The following PACC1 variants were observed in gnomAD, a reference collection of about 807,000 sequenced individuals.
The protein encoded by PACC1 is proton-activated chloride channel.
PACC1 carries 34 observed loss-of-function variants against 39.7 expected under a neutral mutation model. The observed-to-expected ratio is 0.86, with a 90% confidence interval of 0.65 to 1.14. The LOEUF (loss-of-function observed/expected upper bound fraction) is 1.14, where lower values mean the gene tolerates loss of function less well. PACC1 is among the 50% of genes most tolerant of loss of function. The pLI is 0.00. For synonymous variants in PACC1, 127 were observed against 160.6 expected, an observed-to-expected ratio of 0.79 and a Z score of 1.58; for missense variants, 379 against 436.4, an observed-to-expected ratio of 0.87 and a Z score of 1.17.
At chr1:212,374,195 G>GTA (rs371961398) in intron 7 of PACC1, among the ~76,000 whole-genome samples, 13,813 of 150,874 alleles carry the variant, frequency 0.092, 1,979 homozygotes, top group African/African-American at 0.31. Context: ...AATGTGGTGT[G>GTA]TATATATATA....
chr1:212,405,901 G>A (rs1661892744), intron 2 of PACC1, among the ~76,000 whole-genome samples: 1 of 152,050 alleles, frequency 6.6e-6, no homozygotes, highest in Admixed American at 6.6e-5. Context: ...CAGCACTTTG[G>A]GAGGTCAAGG....
At chr1:212,377,760 G>T (rs1476733649) in intron 5 of PACC1, 54 bp from the exon 6 acceptor site, 3 of 1,597,612 alleles carry the variant, frequency 1.9e-6, no homozygotes, top group African/African-American at 2.7e-5. Flanking sequence ...CTGGCAGCAG[G>T]AGTCGAAGCC....
At chr1:212,385,212 G>A (rs1661053099) in intron 4 of PACC1, 62 bp downstream of exon 4, 1 of 1,597,568 alleles carries the variant, frequency 6.3e-7, no homozygotes, top group Non-Finnish European at 8.6e-7. Flanking sequence ...GAAACTTGGG[G>A]CCTTGGGTTG....
chr1:212,366,702 T>C (rs895814002), intron 7 of PACC1, among the ~76,000 whole-genome samples: 3 of 152,152 alleles, frequency 2.0e-5, no homozygotes, highest in African/African-American at 7.2e-5. Context: ...ACTTGGCCCA[T>C]AATAGGTACC....
intron 1 of PACC1, among the ~76,000 whole-genome samples, chr1:212,413,250 A>G (rs2102552709): frequency 6.6e-6 from 1 of 152,300 alleles, no homozygotes; most frequent in Non-Finnish European, 1.5e-5. Flanking sequence ...GATTCCAGCC[A>G]AGATCCTACA....
chr1:212,394,177 A>G (rs1361059043), intron 2 of PACC1, among the ~76,000 whole-genome samples: 2 of 152,228 alleles, frequency 1.3e-5, no homozygotes, highest in Non-Finnish European at 2.9e-5. Context: ...ACATCGACGC[A>G]AAAATCCTCA....
At chr1:212,389,009 TA>T (rs1233093048) in intron 2 of PACC1, among the ~76,000 whole-genome samples, 1 of 152,172 alleles carries the variant, frequency 6.6e-6, no homozygotes, top group Non-Finnish European at 1.5e-5. Context: ...AAAACAATTA[TA>T]AACTTTGGAC....
intron 2 of PACC1, among the ~76,000 whole-genome samples, chr1:212,408,909 G>A (rs964234947): frequency 3.3e-5 from 5 of 152,202 alleles, no homozygotes; most frequent in Admixed American, 3.3e-4. Flanking sequence ...AGACCAATAC[G>A]GGTCCATGGC....
intron 2 of PACC1, among the ~76,000 whole-genome samples, chr1:212,390,491 C>G (rs530000180): frequency 1.1e-3 from 174 of 151,344 alleles, no homozygotes; most frequent in African/African-American, 4.0e-3. Flanking sequence ...AGGAACAGCT[C>G]CAGTCTACAG....
intron 7 of PACC1, among the ~76,000 whole-genome samples, chr1:212,365,618 G>A (rs1288275542): frequency 6.6e-6 from 1 of 151,872 alleles, no homozygotes; most frequent in Non-Finnish European, 1.5e-5. Flanking sequence ...GTTTAGTAGT[G>A]TTATTATCAA....
chr1:212,398,377 T>C lies in PACC1; in HGVS notation c.134-11277A>G, dbSNP rs190460220. Among the ~76,000 whole-genome samples, 271 of 152,340 alleles carry C rather than the reference T, an allele frequency of 1.8e-3. 4 individuals are homozygous for C. The highest frequency in any genetic ancestry group is 3.4e-4 in the Non-Finnish European group (23 of 68,024). On this transcript the variant is annotated intron_variant, in intron 2 of 7. Coordinates refer to ENST00000261455, the MANE Select transcript of PACC1 (RefSeq NM_018252.3). ...GCTAACTCAATCCATCAGAGAATATTAGTGCAATCAAGCATGTAAAACTAT... is the reference window on the plus strand; with the variant it reads ...GCTAACTCAATCCATCAGAGAATATCAGTGCAATCAAGCATGTAAAACTAT...
At chr1:212,408,402 C>G (rs910293048) in intron 2 of PACC1, among the ~76,000 whole-genome samples, 3 of 151,748 alleles carry the variant, frequency 2.0e-5, no homozygotes, top group African/African-American at 7.3e-5. Context: ...CTCTTGTCAC[C>G]CAGGCTAGAG....
intron 7 of PACC1, among the ~76,000 whole-genome samples, chr1:212,373,359 A>C (rs1660528514): frequency 2.7e-5 from 1 of 37,484 alleles, no homozygotes; most frequent in Non-Finnish European, 5.0e-5. Flanking sequence ...ATCCACTCAA[A>C]ATAGACTCAA....
At chr1:212,412,521 G>A (rs888967955) in intron 1 of PACC1, among the ~76,000 whole-genome samples, 1 of 152,086 alleles carries the variant, frequency 6.6e-6, no homozygotes, top group South Asian at 2.1e-4. Flanking sequence ...GAAAGACGCC[G>A]GCCATTTTCT....
intron 2 of PACC1, among the ~76,000 whole-genome samples, chr1:212,393,430 T>G (rs1278166834): frequency 6.6e-6 from 1 of 151,718 alleles, no homozygotes; most frequent in Non-Finnish European, 1.5e-5. Context: ...GGGACACATT[T>G]AAAGCAGTGT....
At position 212,414,866 on chromosome 1, in the gene PACC1, G is replaced by A. The variant is rs1027805273; in HGVS notation, c.-109C>T. 1 of 1,422,038 alleles carries A rather than the reference G, an allele frequency of 7.0e-7. No individual in the cohort carries two copies. Among genetic ancestry groups the A allele is most frequent in the Non-Finnish European group, 9.7e-7 (1 of 1,029,652 alleles). 88.1% of individuals were successfully genotyped at this position (1,422,038 alleles called of 1,614,324 possible). On this transcript the variant is annotated 5_prime_UTR_variant, in exon 1 of 8. Coordinates refer to ENST00000261455, the MANE Select transcript of PACC1 (RefSeq NM_018252.3). ...CTACCGGCTCCGCGAGGCGAAACCG[G>A]TCCGGAGGGGCGTCCCAGAGACCAG...
Position 212,380,052 on chromosome 1 carries a change from A to G in PACC1, c.496-15T>C, listed in dbSNP as rs1660821585. The G allele has an allele frequency of 1.9e-6, 3 of 1,613,224 alleles. No individual in the cohort carries two copies. The highest frequency in any genetic ancestry group is 1.7e-6 in the Non-Finnish European group (2 of 1,179,802). ...AGGGCAGATTTCTGCAGAGAGAAAAAGGACAGAGTCTCAGTCCTGGGAGAG... is the reference window on the plus strand; with the variant it reads ...AGGGCAGATTTCTGCAGAGAGAAAAGGGACAGAGTCTCAGTCCTGGGAGAG... On this transcript the variant is annotated splice_polypyrimidine_tract_variant and intron_variant, in intron 4 of 7. Transcript: ENST00000261455.
chr1:212,396,713 A>C (rs1661533754), intron 2 of PACC1, among the ~76,000 whole-genome samples: 1 of 151,274 alleles, frequency 6.6e-6, no homozygotes, highest in African/African-American at 2.4e-5. Context: ...AAAAAAAAAA[A>C]AAAAAACCAT....
At chr1:212,384,016 G>A (rs886414354) in intron 4 of PACC1, among the ~76,000 whole-genome samples, 5 of 152,182 alleles carry the variant, frequency 3.3e-5, no homozygotes, top group African/African-American at 9.7e-5. Context: ...CTCTAACGGT[G>A]CTGATTCCAA....
Sources: gnomAD v4.1 joint callset for allele counts (sites outside exome capture counted in the v4.1 genomes callset) on GRCh38, gnomAD v4.1.1 for gene constraint, MANE v1.5 for transcripts, NCBI Gene and HGNC (gene_info 2026-07-23, HGNC 2026-07-21) for gene names.